HSPBAP1: variants seen among roughly 807,000 people sequenced by gnomAD.
The protein encoded by HSPBAP1 is HSPB1 associated protein 1, also known as HSPB1-associated protein 1.
In HSPBAP1, 27 loss-of-function variants were observed where a neutral mutation model predicts 45.2. That is an observed-to-expected ratio of 0.60 (90% confidence interval 0.44 to 0.82). HSPBAP1 has a LOEUF of 0.82. Ranked by LOEUF, HSPBAP1 falls within the 40% of genes least tolerant of loss-of-function variation. The pLI, the probability that HSPBAP1 is intolerant of heterozygous loss-of-function variation, is 0.00. For missense variants in HSPBAP1, 510 were observed against 590.9 expected, an observed-to-expected ratio of 0.86 and a Z score of 1.42; for synonymous variants, 204 against 202.7, an observed-to-expected ratio of 1.01 and a Z score of -0.06.
chr3:122,762,338 CCTTTA>C (rs896324557), intron 3 of HSPBAP1, among the ~76,000 whole-genome samples: 10 of 151,830 alleles, frequency 6.6e-5, no homozygotes, highest in African/African-American at 2.2e-4. Flanking sequence ...CTCTCAATTT[CCTTTA>C]CTTTGTCAAC....
At chr3:122,743,643 TG>T (rs34988828) in intron 6 of HSPBAP1, among the ~76,000 whole-genome samples, 3 of 151,176 alleles carry the variant, frequency 2.0e-5, no homozygotes, top group Non-Finnish European at 4.4e-5. Flanking sequence ...ATGGAATTGC[TG>T]GGTCATATGG....
At position 122,749,104 on chromosome 3, in the gene HSPBAP1, TTATA is replaced by T. The variant is rs1350089125; in HGVS notation, c.825+3483_825+3486del. ...ATGCACTTTGTACATATAAGACTGT[TTATA>T]TACTTATTTACATATATAAATATAT... On this transcript the variant is annotated intron_variant, in intron 6 of 7. Coordinates refer to ENST00000306103, the MANE Select transcript of HSPBAP1 (RefSeq NM_024610.6). Among the ~76,000 whole-genome samples the T allele has an allele frequency of 6.6e-5, 10 of 151,764 alleles. 1 individual carries two copies. Among genetic ancestry groups the T allele is most frequent in the Admixed American group, 5.3e-4 (8 of 15,238 alleles).
At chr3:122,781,328 G>A (rs1198272276) in intron 1 of HSPBAP1, among the ~76,000 whole-genome samples, 3 of 152,276 alleles carry the variant, frequency 2.0e-5, no homozygotes, top group East Asian at 1.9e-4. Context: ...CGAGGCTGGA[G>A]GATCACTCGT....
rs149822273 is a variant in HSPBAP1 at position 122,755,208 on chromosome 3, T to C, written c.741+52A>G. On this transcript the variant is annotated intron_variant, in intron 5 of 7. Transcript: ENST00000306103. ...CACACAGCATAAGGACTTGAGAGAG[T>C]TACAGCTGTGGTGTCCCCTGGCAGG... is the stretch of plus-strand genomic sequence containing the variant. 3.6e-6 allele frequency: 5 copies of C among 1,403,106 alleles called. No homozygotes were observed. In the East Asian group the frequency reaches 7.8e-5, roughly 22 times the overall value. 86.9% of individuals were successfully genotyped at this position (1,403,106 alleles called of 1,614,324 possible).
chr3:122,758,682 G>C (rs1409794157), intron 4 of HSPBAP1: 2 of 452,236 alleles, frequency 4.4e-6, no homozygotes, highest in Non-Finnish European at 8.8e-6. Context: ...CAAGGCAGGA[G>C]TATGGTTTGA....
At chr3:122,761,344 A>G (rs1209496500) in intron 3 of HSPBAP1, among the ~76,000 whole-genome samples, 1 of 147,798 alleles carries the variant, frequency 6.8e-6, no homozygotes, top group African/African-American at 2.7e-5. Flanking sequence ...CCAACCCCAC[A>G]TGAAAAACCC....
intron 1 of HSPBAP1, among the ~76,000 whole-genome samples, chr3:122,779,734 A>G (rs375784272): frequency 0.023 from 3,310 of 143,684 alleles, 31 homozygotes; most frequent in Middle Eastern, 0.056. Flanking sequence ...GCCTTCAAGC[A>G]TCTGTTTAAC....
rs1310385768 is a variant in HSPBAP1 at position 122,747,757 on chromosome 3, T to TG, written c.825+4833dup. ...CCAGCCGCCCCGTCCCGGAGGGAGGTGGGGGGGTCAGCCCCCCGCCCGGCC... is the reference window on the plus strand; with the variant it reads ...CCAGCCGCCCCGTCCCGGAGGGAGGTGGGGGGGGTCAGCCCCCCGCCCGGCC... On this transcript the variant is annotated intron_variant, in intron 6 of 7. Coordinates refer to ENST00000306103, the MANE Select transcript of HSPBAP1 (RefSeq NM_024610.6). 1.0e-3 allele frequency among the ~76,000 whole-genome samples: 125 copies of TG among 124,582 alleles called. 2 individuals are homozygous for TG. The highest frequency in any genetic ancestry group is 3.7e-3 in the African/African-American group (115 of 31,482). 81.7% of individuals were successfully genotyped at this position (124,582 alleles called of 152,430 possible).
At chr3:122,769,869 T>C (rs747113236) in intron 2 of HSPBAP1, among the ~76,000 whole-genome samples, 8 of 152,134 alleles carry the variant, frequency 5.3e-5, no homozygotes, top group Non-Finnish European at 8.8e-5. Context: ...TTAGTAGAGA[T>C]GGGGTTTGGC....
At chr3:122,774,813 A>G (rs935306999) in intron 2 of HSPBAP1, among the ~76,000 whole-genome samples, 1 of 152,174 alleles carries the variant, frequency 6.6e-6, no homozygotes, top group Non-Finnish European at 1.5e-5. Flanking sequence ...ACCATTCAAG[A>G]CAGGCAATCA....
chr3:122,743,892 A>G (rs1012724362), intron 6 of HSPBAP1, among the ~76,000 whole-genome samples: 1 of 152,140 alleles, frequency 6.6e-6, no homozygotes, highest in South Asian at 2.1e-4. Flanking sequence ...TCATGCCTGT[A>G]ATCCCAGCAC....
At chr3:122,783,833 CTT>C (rs79338116) in intron 1 of HSPBAP1, among the ~76,000 whole-genome samples, 29 of 145,022 alleles carry the variant, frequency 2.0e-4, no homozygotes, top group Middle Eastern at 3.6e-3. Context: ...GGGCAACTTT[CTT>C]TTTTTTTTTT....
chr3:122,780,173 G>A (rs1445197291), intron 1 of HSPBAP1, among the ~76,000 whole-genome samples: 12 of 96,084 alleles, frequency 1.2e-4, no homozygotes, highest in Non-Finnish European at 2.2e-4. Flanking sequence ...GGGGCGGCTG[G>A]CCGGGCGGGG....
chr3:122,740,458 T>C lies in HSPBAP1; in HGVS notation c.1354A>G (p.Thr452Ala). 1 of 1,614,040 alleles carries C rather than the reference T, an allele frequency of 6.2e-7. No individual in the cohort carries two copies. Among genetic ancestry groups the C allele is most frequent in the Non-Finnish European group, 8.5e-7 (1 of 1,179,852 alleles). Reference sequence around the variant, plus strand: ...ATGAATGTTTGAGGAGTCGTAGTAGTATTTGAGGCAATCTGTTCCTCAATT... The same window carrying C: ...ATGAATGTTTGAGGAGTCGTAGTAGCATTTGAGGCAATCTGTTCCTCAATT... ...NAIEEQIASNTTTTPQTFIST... is the reference protein window; with the variant it reads ...NAIEEQIASNATTTPQTFIST... Residue 452 changes from threonine (T) to alanine (A), a missense_variant, in exon 8 of 8, where the codon ACT becomes GCT. Thr to Ala is a moderately conservative substitution (Grantham distance 58). Transcript: ENST00000306103.
intron 1 of HSPBAP1, among the ~76,000 whole-genome samples, chr3:122,789,056 G>A (rs2107545146): frequency 6.6e-6 from 1 of 152,222 alleles, no homozygotes. Context: ...ATTCTAACAT[G>A]GGAATTTTTT....
At chr3:122,779,452 A>C (rs1276090318) in intron 1 of HSPBAP1, among the ~76,000 whole-genome samples, 4 of 151,658 alleles carry the variant, frequency 2.6e-5, no homozygotes, top group Non-Finnish European at 5.9e-5. Flanking sequence ...AGCGAGTTGC[A>C]TGTTCTTTCT....
chr3:122,749,564 T>C lies in HSPBAP1; in HGVS notation c.825+3027A>G, dbSNP rs550418553. Among the ~76,000 whole-genome samples the C allele has an allele frequency of 2.0e-5, 3 of 152,276 alleles. No homozygotes were observed. In the South Asian group the frequency reaches 6.2e-4, roughly 32 times the overall value. The stretch of plus-strand genomic sequence containing the variant: ...TCTTAATTTTTACTTGCAAGCTTTA[T>C]GGTTAGTAGTAATATTACTATTTGA... On this transcript the variant is annotated intron_variant, in intron 6 of 7. Transcript: ENST00000306103.
At chr3:122,767,466 A>C (rs1934827733) in intron 3 of HSPBAP1, among the ~76,000 whole-genome samples, 1 of 151,916 alleles carries the variant, frequency 6.6e-6, no homozygotes, top group Admixed American at 6.6e-5. Context: ...GTGGCAGGAG[A>C]ATTGCTTGAA....
chr3:122,771,331 T>G (rs547467213), intron 2 of HSPBAP1, among the ~76,000 whole-genome samples: 1 of 152,352 alleles, frequency 6.6e-6, no homozygotes, highest in East Asian at 1.9e-4. Context: ...ATGAAATTAT[T>G]CCTTTCTAAT....
Sources: allele counts gnomAD v4.1 joint callset (sites outside exome capture counted in the v4.1 genomes callset), GRCh38; gene constraint gnomAD v4.1.1; transcripts MANE v1.5; gene names NCBI Gene and HGNC (gene_info 2026-07-23, HGNC 2026-07-21).